Variants in SPICE1 observed in about 807,000 individuals in gnomAD.
SPICE1 encodes the protein spindle and centriole associated protein 1.
SPICE1 carries 75 observed loss-of-function variants against 102.7 expected under a neutral mutation model. The ratio of observed to expected loss-of-function variants is 0.73; its 90% CI spans 0.61 to 0.88. The LOEUF (loss-of-function observed/expected upper bound fraction) is 0.88. Among genes scored for constraint, SPICE1 ranks in the 40% least tolerant of loss-of-function variants. The pLI, the probability that SPICE1 is intolerant of heterozygous loss-of-function variation, is 0.00. For synonymous variants in SPICE1, 308 were observed against 350.3 expected (o/e 0.88, Z 1.35); for missense variants, 979 against 1,020.1 (o/e 0.96, Z 0.55).
At chr3:113,502,370 A>T (rs1937024951) in intron 3 of SPICE1, among the ~76,000 whole-genome samples, 1 of 152,194 alleles carries the variant, frequency 6.6e-6, no homozygotes, top group African/African-American at 2.4e-5. Context: ...TATTATGCTA[A>T]GACAAAGAAG....
Position 113,506,550 on chromosome 3 carries a change from G to T in SPICE1, c.56C>A (p.Pro19Gln), listed in dbSNP as rs147842972. The T allele has an allele frequency of 1.9e-6, 3 of 1,612,322 alleles. No individual in the cohort carries two copies. Among genetic ancestry groups the T allele is most frequent in the African/African-American group, 2.7e-5 (2 of 74,670 alleles). The change falls in exon 2 of 18, where the codon CCG becomes CAG. Residue 19 changes from proline (P) to glutamine (Q), a missense_variant. Pro to Gln is a moderately conservative substitution (Grantham distance 76). Transcript: ENST00000295872. ...TGAAGTTTTCTTCTTCTTTACTTTC[G>T]GTGTCTTTCTTACACCAACTCGGGG... ...CGPRVGVRKT[P>Q]KVKKKKTSVK...
At chr3:113,474,631 AACTC>A (rs1936292838) in intron 7 of SPICE1, among the ~76,000 whole-genome samples, 1 of 152,210 alleles carries the variant, frequency 6.6e-6, no homozygotes, top group Admixed American at 6.5e-5. Context: ...AGGATTAAGA[AACTC>A]ACTCAAAACC....
chr3:113,466,721 G>A (rs932888310), intron 10 of SPICE1, among the ~76,000 whole-genome samples: 2 of 152,150 alleles, frequency 1.3e-5, no homozygotes, highest in African/African-American at 4.8e-5. Context: ...GTTTTAATAG[G>A]TCTGACAATA....
At chr3:113,489,725 T>C (rs1936724340) in intron 6 of SPICE1, among the ~76,000 whole-genome samples, 1 of 151,590 alleles carries the variant, frequency 6.6e-6, no homozygotes. Context: ...CCCACACCTG[T>C]AGTCTCAGCT....
At chr3:113,491,644 A>AAAAAAAAG (rs1559972337) in intron 6 of SPICE1, among the ~76,000 whole-genome samples, 9 of 151,198 alleles carry the variant, frequency 6.0e-5, no homozygotes, top group Admixed American at 2.0e-4. Flanking sequence ...AAAAAAAAAA[A>AAAAAAAAG]AAAAAGATTA....
chr3:113,465,807 C>T (rs368067490), intron 10 of SPICE1, 23 bp from the exon 11 acceptor site: 512 of 1,604,452 alleles, frequency 3.2e-4, no homozygotes, highest in Non-Finnish European at 4.2e-4. Context: ...ATCAAATAAA[C>T]TTCCACCAAT....
At chr3:113,506,652 A>G (rs1937118732) in intron 1 of SPICE1, 47 bp from the exon 2 acceptor site, 1 of 1,496,084 alleles carries the variant, frequency 6.7e-7, no homozygotes, top group Non-Finnish European at 9.2e-7. Flanking sequence ...AGAAAAAACA[A>G]TAAGCATCAC....
chr3:113,448,028 T>C lies in SPICE1; in HGVS notation c.2426+10A>G, dbSNP rs201269985. 1.3e-6 allele frequency: 2 copies of C among 1,582,256 alleles called. No individual in the cohort carries two copies. Among genetic ancestry groups the C allele is most frequent in the Admixed American group, 3.8e-5 (2 of 52,578 alleles). On this transcript the variant is annotated intron_variant, in intron 16 of 17. Coordinates refer to ENST00000295872, the MANE Select transcript of SPICE1 (RefSeq NM_144718.4). ...TTTTTTTTTAAATAAATATTCACAC[T>C]GCAACTTACCTTCTTGTATTTATCC...
chr3:113,491,874 C>G (rs774999191), intron 6 of SPICE1, among the ~76,000 whole-genome samples: 6 of 152,104 alleles, frequency 3.9e-5, no homozygotes, highest in Non-Finnish European at 8.8e-5. Context: ...AATTCTACTG[C>G]TGTATTAATG....
chr3:113,488,178 T>C (rs1936687420), intron 7 of SPICE1, among the ~76,000 whole-genome samples: 1 of 152,224 alleles, frequency 6.6e-6, no homozygotes, highest in African/African-American at 2.4e-5. Flanking sequence ...ATCAATGTAA[T>C]TTCCTGATTG....
Position 113,506,567 on chromosome 3 carries a change from A to T in SPICE1, c.39T>A (p.Val13=). The change falls in exon 2 of 18, where the codon GTT becomes GTA. Residue 13 remains valine (V), a synonymous_variant. Coordinates refer to ENST00000295872, the MANE Select transcript of SPICE1 (RefSeq NM_144718.4). ...FVRVNRCGPR[V]GVRKTPKVKK... is the part of the protein sequence containing the mutation. ...TTACTTTCGGTGTCTTTCTTACACC[A>T]ACTCGGGGACCACAGCGGTTCACTC... The T allele has an allele frequency of 6.2e-7, 1 of 1,613,654 alleles. No individual in the cohort carries two copies. Among genetic ancestry groups the T allele is most frequent in the Non-Finnish European group, 8.5e-7 (1 of 1,179,900 alleles).
chr3:113,462,904 C>G (rs939697477), intron 11 of SPICE1, among the ~76,000 whole-genome samples: 1 of 152,118 alleles, frequency 6.6e-6, no homozygotes, highest in Non-Finnish European at 1.5e-5. Flanking sequence ...AACCATCATG[C>G]AAGGCGCTAT....
intron 1 of SPICE1, among the ~76,000 whole-genome samples, chr3:113,509,377 A>G (rs188559435): frequency 9.8e-5 from 15 of 152,350 alleles, no homozygotes; most frequent in Admixed American, 5.2e-4. Context: ...CAGTATACCT[A>G]TATGATGAAT....
intron 7 of SPICE1, 137 bp from the exon 8 acceptor site, chr3:113,469,375 T>C (rs556473146): frequency 1.0e-5 from 2 of 198,622 alleles, no homozygotes; most frequent in Non-Finnish European, 1.8e-5. Flanking sequence ...TATATAATTA[T>C]AAATTTAATT....
chr3:113,508,937 G>A (rs545352280), intron 1 of SPICE1, among the ~76,000 whole-genome samples: 3 of 152,316 alleles, frequency 2.0e-5, no homozygotes, highest in South Asian at 2.1e-4. Flanking sequence ...AAGCAATGGT[G>A]TACTGATACA....
At chr3:113,476,484 C>T (rs1458720635) in intron 7 of SPICE1, among the ~76,000 whole-genome samples, 2 of 147,882 alleles carry the variant, frequency 1.4e-5, no homozygotes, top group East Asian at 3.9e-4. Flanking sequence ...CAAGTCAATC[C>T]TAAGCCAAAA....
intron 14 of SPICE1, 76 bp from the exon 15 acceptor site, chr3:113,450,592 T>G: frequency 8.3e-6 from 12 of 1,438,294 alleles, no homozygotes; most frequent in Non-Finnish European, 1.1e-5. Context: ...TTTTTTTTTT[T>G]TTTAGGCAGA....
intron 7 of SPICE1, among the ~76,000 whole-genome samples, chr3:113,474,968 C>A (rs1356758188): frequency 6.6e-6 from 1 of 152,084 alleles, no homozygotes. Flanking sequence ...CACAAAAAAA[C>A]CCTTCAAAAA....
At chr3:113,510,290 C>A (rs1282101587) in intron 1 of SPICE1, among the ~76,000 whole-genome samples, 1 of 152,032 alleles carries the variant, frequency 6.6e-6, no homozygotes, top group Non-Finnish European at 1.5e-5. Context: ...TCATATGGAA[C>A]CAAAAAAGAG....
Sources: allele counts gnomAD v4.1 joint callset (sites outside exome capture counted in the v4.1 genomes callset), GRCh38; gene constraint gnomAD v4.1.1; transcripts MANE v1.5; gene names NCBI Gene and HGNC (gene_info 2026-07-23, HGNC 2026-07-21).